Variants in SLC12A7 observed in about 807,000 individuals in gnomAD.
SLC12A7 encodes solute carrier family 12 member 7, also known as K-Cl cotransporter 4.
In SLC12A7, 100 loss-of-function variants were observed where a neutral mutation model predicts 120.6. The observed-to-expected ratio is 0.83, with a 90% confidence interval of 0.71 to 0.98. The LOEUF (loss-of-function observed/expected upper bound fraction) is 0.98. SLC12A7 is among the 50% of genes least tolerant of loss of function. The probability of loss-of-function intolerance (pLI) is 0.00; values close to 1 mark genes in which losing one functional copy is unlikely to be tolerated. For synonymous variants in SLC12A7, 760 were observed against 678.0 expected, an observed-to-expected ratio of 1.12 and a Z score of -1.88; for missense variants, 1,373 against 1,548.1, an observed-to-expected ratio of 0.89 and a Z score of 1.90.
chr5:1,139,068 G>A, the SLC12A7 span, among the ~76,000 whole-genome samples: 1 of 29,852 alleles, frequency 3.3e-5, no homozygotes, highest in Non-Finnish European at 5.1e-5. Flanking sequence ...AGCTTGGGGT[G>A]GGGGGGGGGC....
At chr5:1,053,660 G>A (rs572878539) in intron 22 of SLC12A7, among the ~76,000 whole-genome samples, 178 bp from the exon 23 acceptor site, 11 of 152,328 alleles carry the variant, frequency 7.2e-5, no homozygotes, top group Middle Eastern at 3.4e-3. Context: ...AGCGAAAGGC[G>A]CTGACTGCAG....
chr5:1,100,897 A>G (rs1183767617), intron 1 of SLC12A7, among the ~76,000 whole-genome samples: 2 of 152,190 alleles, frequency 1.3e-5, no homozygotes, highest in African/African-American at 4.8e-5. Context: ...CCTGGGACAG[A>G]AAAGCACACC....
At chr5:1,084,940 G>A (rs551830119) in intron 7 of SLC12A7, among the ~76,000 whole-genome samples, 58 of 152,308 alleles carry the variant, frequency 3.8e-4, no homozygotes, top group African/African-American at 1.3e-3. Context: ...GCACCTGACC[G>A]TGCTCAGGGC....
intron 1 of SLC12A7, among the ~76,000 whole-genome samples, chr5:1,105,986 C>T (rs1742502612): frequency 6.6e-6 from 1 of 152,232 alleles, no homozygotes; most frequent in Non-Finnish European, 1.5e-5. Flanking sequence ...CCAGGGACTC[C>T]TGCCCCACCC....
intron 17 of SLC12A7, among the ~76,000 whole-genome samples, chr5:1,069,049 C>A (rs1737356116): frequency 6.6e-6 from 1 of 152,232 alleles, no homozygotes. Context: ...CCCCCGAAAA[C>A]CACGATACCT....
chr5:1,081,239 G>T (rs868813172), intron 9 of SLC12A7, among the ~76,000 whole-genome samples: 19 of 152,150 alleles, frequency 1.2e-4, no homozygotes, highest in African/African-American at 4.1e-4. Context: ...GGCTGAGGAT[G>T]GCTTGAGCTC....
At chr5:1,061,026 C>T (rs1390233347) in intron 20 of SLC12A7, among the ~76,000 whole-genome samples, 7 of 149,236 alleles carry the variant, frequency 4.7e-5, no homozygotes, top group Admixed American at 4.0e-4. Context: ...TCACCCGCCG[C>T]ACCCGCCGTG....
At position 1,073,766 on chromosome 5, in the gene SLC12A7, T is replaced by C. The variant is rs780574995; in HGVS notation, c.2108A>G (p.Glu703Gly). The C allele has an allele frequency of 6.7e-7, 1 of 1,496,592 alleles. No individual in the cohort carries two copies. The highest frequency in any genetic ancestry group is 8.9e-7 in the Non-Finnish European group (1 of 1,118,216). 92.7% of individuals were successfully genotyped at this position (1,496,592 alleles called of 1,614,324 possible). A position where few individuals can be genotyped will look rare whatever the true frequency, so the allele number is the denominator to read the frequency against. ...QVLVMLNLDA[E>G]QAVKHPRLLS... is the part of the protein sequence containing the mutation. ...CAGGCGGGGGTGCTTCACGGCCTGC[T>C]CCGCGTCCAGGTTCAGCATCACCAG... is the stretch of plus-strand genomic sequence containing the variant. Residue 703 changes from glutamate to glycine, a missense_variant, in exon 17 of 24, where the codon GAG becomes GGG. By Grantham distance (98) the Glu-to-Gly change is moderately conservative. Coordinates refer to ENST00000264930, the MANE Select transcript of SLC12A7 (RefSeq NM_006598.3).
chr5:1,064,853 A>AGATGGCGAGGGGACCGCGAGGG (rs1554012884), intron 18 of SLC12A7, among the ~76,000 whole-genome samples: 1 of 44,616 alleles, frequency 2.2e-5, no homozygotes, highest in Non-Finnish European at 4.3e-5. Flanking sequence ...GACGGCGAGG[A>AGATGGCGAGGGGACCGCGAGGG]GACGGCGAGG....
intron 11 of SLC12A7, among the ~76,000 whole-genome samples, chr5:1,078,327 C>A: frequency 6.6e-6 from 1 of 152,118 alleles, no homozygotes; most frequent in East Asian, 1.9e-4. Flanking sequence ...CTGCCAGACA[C>A]GCACACCCCA....
At chr5:1,065,170 GT>G (rs1736888320) in intron 18 of SLC12A7, 112 bp downstream of exon 18, 5 of 638,552 alleles carry the variant, frequency 7.8e-6, no homozygotes, top group African/African-American at 2.3e-5. Context: ...AAAGGGGACA[GT>G]GAGAGGACAG....
intron 20 of SLC12A7, among the ~76,000 whole-genome samples, chr5:1,060,664 G>A (rs1211255696): frequency 1.3e-5 from 2 of 152,178 alleles, no homozygotes; most frequent in African/African-American, 2.4e-5. Context: ...CACACGCTCT[G>A]CTCATGTCCC....
chr5:1,050,675 C>G lies in SLC12A7; in HGVS notation c.*1685G>C, dbSNP rs1734948037. 3 of 393,550 alleles carry G rather than the reference C, an allele frequency of 7.6e-6. No homozygotes were observed. Among genetic ancestry groups the G allele is most frequent in the East Asian group, 7.2e-5 (2 of 27,848 alleles). 24.4% of individuals were successfully genotyped at this position (393,550 alleles called of 1,614,324 possible). On this transcript the variant is annotated 3_prime_UTR_variant, in exon 24 of 24. Transcript: ENST00000264930. ...GTGGCCGCTGTGCCTCTAGCCTGCTCTCCTCCAGGTGCAGGGGACACAGGA... is the reference window on the plus strand; with the variant it reads ...GTGGCCGCTGTGCCTCTAGCCTGCTGTCCTCCAGGTGCAGGGGACACAGGA...
In SLC12A7 at chr5:1,074,821, C is replaced by T. The variant is rs993716694; in HGVS notation, c.1968-150G>A. On this transcript the variant is annotated intron_variant, in intron 15 of 23. Transcript: ENST00000264930. Reference sequence around the variant, plus strand: ...TGAGGAGGGAGGCCTCCATGCCCACCCTTGCCCTGAAGGGAGCCCGTCCTA... The same window carrying T: ...TGAGGAGGGAGGCCTCCATGCCCACTCTTGCCCTGAAGGGAGCCCGTCCTA... 7 of 704,076 alleles carry T rather than the reference C, an allele frequency of 9.9e-6. No homozygotes were observed. The South Asian group carries it at 1.1e-4, about 11-fold the overall frequency. 43.6% of individuals were successfully genotyped at this position (704,076 alleles called of 1,614,324 possible).
At chr5:1,053,606 A>G (rs1343740464) in intron 22 of SLC12A7, 124 bp from the exon 23 acceptor site, 28 of 1,280,980 alleles carry the variant, frequency 2.2e-5, no homozygotes, top group Non-Finnish European at 1.1e-6. Context: ...AGTCAGGATC[A>G]GGCGGATTCT....
chr5:1,090,565 G>A (rs1579404570), intron 3 of SLC12A7, among the ~76,000 whole-genome samples: 2 of 152,306 alleles, frequency 1.3e-5, no homozygotes, highest in Middle Eastern at 6.8e-3. Flanking sequence ...GGATAAAACT[G>A]AGAGCCCAGG....
At chr5:1,139,780 A>G in the SLC12A7 span, among the ~76,000 whole-genome samples, 1 of 152,126 alleles carries the variant, frequency 6.6e-6, no homozygotes, top group African/African-American at 2.4e-5. Context: ...GTAATTCTGA[A>G]TCTGGTTCCC....
the SLC12A7 span, among the ~76,000 whole-genome samples, chr5:1,132,358 A>G: frequency 6.6e-6 from 1 of 152,286 alleles, no homozygotes; most frequent in Admixed American, 6.5e-5. Flanking sequence ...TTCAGCGCAT[A>G]ATGAAGAAGT....
the SLC12A7 span, among the ~76,000 whole-genome samples, chr5:1,128,920 C>T: frequency 5.3e-5 from 8 of 152,222 alleles, no homozygotes; most frequent in Non-Finnish European, 8.8e-5. Context: ...CTCAGTCACG[C>T]GGCTCCCTGC....
Sources: gnomAD v4.1 joint callset for allele counts (sites outside exome capture counted in the v4.1 genomes callset) on GRCh38, gnomAD v4.1.1 for gene constraint, MANE v1.5 for transcripts, NCBI Gene and HGNC (gene_info 2026-07-23, HGNC 2026-07-21) for gene names.